The following VPS13B variants were observed in gnomAD, a reference collection of about 807,000 sequenced individuals.
VPS13B encodes intermembrane lipid transfer protein VPS13B.
In VPS13B, 285 loss-of-function variants were observed where a neutral mutation model predicts 426.4. That is an observed-to-expected ratio of 0.67 (90% CI 0.61 to 0.74). The LOEUF (loss-of-function observed/expected upper bound fraction) is 0.74, where lower values mean the gene tolerates loss of function less well. Ranked by LOEUF, VPS13B falls within the 30% of genes least tolerant of loss-of-function variation. VPS13B has a pLI of 0.00. For synonymous variants in VPS13B, 1,676 were observed against 1,676.4 expected (o/e 1.00, Z 0.01); for missense variants, 4,537 against 4,782.6 (o/e 0.95, Z 1.51).
At chr8:99,498,467 A>T (rs1264790142) in intron 25 of VPS13B, among the ~76,000 whole-genome samples, 1 of 152,116 alleles carries the variant, frequency 6.6e-6, no homozygotes, top group African/African-American at 2.4e-5. Context: ...CCAACATGGC[A>T]CATGTATACA....
chr8:99,148,053 G>T, intron 14 of VPS13B, 43 bp downstream of exon 14: 3 of 1,494,378 alleles, frequency 2.0e-6, no homozygotes, highest in Admixed American at 1.8e-5. Context: ...CTCATATATG[G>T]ATTTTTTTTT....
chr8:99,576,637 G>A (rs1825788400), intron 32 of VPS13B, among the ~76,000 whole-genome samples: 1 of 152,172 alleles, frequency 6.6e-6, no homozygotes. Context: ...ATAAGGGGAA[G>A]ATCTGTTGGA....
At chr8:99,485,704 C>T (rs1191463807) in intron 25 of VPS13B, among the ~76,000 whole-genome samples, 1 of 152,148 alleles carries the variant, frequency 6.6e-6, no homozygotes, top group Non-Finnish European at 1.5e-5. Flanking sequence ...AGAAAATATT[C>T]TTATAATCAA....
chr8:99,156,452 C>A, intron 14 of VPS13B, 97 bp from the exon 15 acceptor site: 1 of 1,152,450 alleles, frequency 8.7e-7, no homozygotes, highest in Non-Finnish European at 1.3e-6. Flanking sequence ...GATTTGATAT[C>A]ACTGCAAATG....
chr8:99,195,754 G>T (rs147142456), intron 17 of VPS13B, among the ~76,000 whole-genome samples: 10 of 152,126 alleles, frequency 6.6e-5, no homozygotes, highest in Non-Finnish European at 1.2e-4. Context: ...GTTAGATAAA[G>T]ATTCAATCTC....
chr8:99,818,983 G>GGC, intron 47 of VPS13B, 95 bp downstream of exon 47: 1 of 384,876 alleles, frequency 2.6e-6, no homozygotes, highest in Non-Finnish European at 5.3e-6. Context: ...GGAGGGGTGG[G>GGC]TAGGGAGATG....
chr8:99,255,926 G>A (rs1817722890), intron 17 of VPS13B, among the ~76,000 whole-genome samples: 1 of 152,164 alleles, frequency 6.6e-6, no homozygotes, highest in African/African-American at 2.4e-5. Context: ...CCCAGGCAGG[G>A]ATGTTGGGGT....
Position 99,556,537 on chromosome 8 carries a change from T to C in VPS13B, c.4833T>C (p.Ile1611=), listed in dbSNP as rs1380489766. Residue 1611 remains isoleucine, a synonymous_variant, in exon 31 of 62, where the codon ATT becomes ATC. Coordinates refer to ENST00000357162, the MANE Select transcript of VPS13B (RefSeq NM_152564.5). ...AAATAGATCTGCAGTCCATCAATAT[T>C]GGTACTGCACAGTGGCATCAACTAA... The part of the protein sequence containing the change: ...QYQIDLQSIN[I]GTAQWHQLKP... 9.3e-6 allele frequency: 15 copies of C among 1,613,174 alleles called. No homozygotes were observed. Among genetic ancestry groups the C allele is most frequent in the Admixed American group, 1.7e-5 (1 of 59,874 alleles).
intron 24 of VPS13B, among the ~76,000 whole-genome samples, chr8:99,480,385 A>G (rs993858516): frequency 6.6e-6 from 1 of 152,178 alleles, no homozygotes; most frequent in African/African-American, 2.4e-5. Flanking sequence ...TTTCTCTTAA[A>G]TAAATACCCT....
chr8:99,851,548 G>A (rs1816297164), intron 55 of VPS13B, among the ~76,000 whole-genome samples: 1 of 152,206 alleles, frequency 6.6e-6, no homozygotes, highest in Non-Finnish European at 1.5e-5. Flanking sequence ...AAGCTGCACT[G>A]AGAAGTTGAT....
intron 30 of VPS13B, among the ~76,000 whole-genome samples, chr8:99,535,971 T>C (rs1014536102): frequency 2.0e-5 from 3 of 151,120 alleles, no homozygotes; most frequent in African/African-American, 7.3e-5. Context: ...TTTTTTGAGA[T>C]GGAGTTTTGC....
chr8:99,268,015 G>A (rs1016510215), intron 17 of VPS13B, among the ~76,000 whole-genome samples: 3 of 152,190 alleles, frequency 2.0e-5, no homozygotes, highest in Admixed American at 6.5e-5. Flanking sequence ...AGGGGTCAAG[G>A]TAGAGCTCAG....
intron 31 of VPS13B, among the ~76,000 whole-genome samples, chr8:99,557,657 C>T (rs376252890): frequency 1.3e-5 from 2 of 152,038 alleles, no homozygotes; most frequent in Non-Finnish European, 2.9e-5. Context: ...TGAAAAGATA[C>T]CTAGTGGTGA....
At chr8:99,140,385 A>T in intron 12 of VPS13B, among the ~76,000 whole-genome samples, 1 of 151,696 alleles carries the variant, frequency 6.6e-6, no homozygotes, top group Non-Finnish European at 1.5e-5. Flanking sequence ...AAAAAAAAAA[A>T]AAAAAGGAAG....
intron 3 of VPS13B, among the ~76,000 whole-genome samples, chr8:99,052,971 T>G (rs1432869326): frequency 2.0e-5 from 3 of 152,072 alleles, no homozygotes; most frequent in Admixed American, 6.5e-5. Context: ...GTTGATCTTT[T>G]CAAAACACCA....
At chr8:99,069,151 G>T (rs1043628141) in intron 3 of VPS13B, among the ~76,000 whole-genome samples, 1 of 152,228 alleles carries the variant, frequency 6.6e-6, no homozygotes, top group South Asian at 2.1e-4. Flanking sequence ...AATGGAGTCA[G>T]GCTGGGTATG....
intron 42 of VPS13B, among the ~76,000 whole-genome samples, chr8:99,782,546 G>A (rs934036032): frequency 2.6e-5 from 4 of 151,840 alleles, no homozygotes; most frequent in Admixed American, 1.3e-4. Flanking sequence ...TGGAAGTTGA[G>A]TAGAAACAAG....
chr8:99,182,551 C>A (rs981244118), intron 16 of VPS13B, among the ~76,000 whole-genome samples: 1 of 152,046 alleles, frequency 6.6e-6, no homozygotes, highest in African/African-American at 2.4e-5. Flanking sequence ...AAATTGAAAT[C>A]TGTTTGCTTT....
chr8:99,584,839 A>T (rs1433812057), intron 33 of VPS13B, among the ~76,000 whole-genome samples: 1 of 152,200 alleles, frequency 6.6e-6, no homozygotes, highest in Non-Finnish European at 1.5e-5. Flanking sequence ...GGGTGACAGC[A>T]TTAAACAAAA....
Sources: allele counts gnomAD v4.1 joint callset (sites outside exome capture counted in the v4.1 genomes callset), GRCh38; gene constraint gnomAD v4.1.1; transcripts MANE v1.5; gene names NCBI Gene and HGNC (gene_info 2026-07-23, HGNC 2026-07-21).